The following CDK15 variants were observed in gnomAD, a reference collection of about 807,000 sequenced individuals.
CDK15 encodes cyclin dependent kinase 15.
CDK15 carries 62 observed loss-of-function variants against 60.3 expected under a neutral mutation model. The ratio of observed to expected loss-of-function variants is 1.03; its 90% CI spans 0.84 to 1.27. CDK15 has a LOEUF of 1.27. Among genes scored for constraint, CDK15 ranks in the 50% most tolerant of loss-of-function variants. The pLI is 0.00. For synonymous variants in CDK15, 194 were observed against 195.7 expected, an observed-to-expected ratio of 0.99 and a Z score of 0.07; for missense variants, 541 against 527.8, an observed-to-expected ratio of 1.03 and a Z score of -0.25.
chr2:201,814,833 A>T (rs17469731), intron 4 of CDK15, among the ~76,000 whole-genome samples: 2 of 152,196 alleles, frequency 1.3e-5, no homozygotes, highest in African/African-American at 4.8e-5. Flanking sequence ...GTCTCTTTCT[A>T]TACAGGTAGA....
intron 8 of CDK15, among the ~76,000 whole-genome samples, chr2:201,836,144 TA>T (rs1338497647): frequency 5.6e-4 from 39 of 69,450 alleles, no homozygotes; most frequent in South Asian, 3.1e-3. Flanking sequence ...ATTTATATAT[TA>T]TATATATTTT....
At chr2:201,878,691 GA>G (rs1427952636) in intron 11 of CDK15, among the ~76,000 whole-genome samples, 1 of 152,130 alleles carries the variant, frequency 6.6e-6, no homozygotes, top group African/African-American at 2.4e-5. Context: ...CCAATTAATA[GA>G]AATGTATTTC....
At chr2:201,860,728 T>A in intron 10 of CDK15, 1 of 1,352,102 alleles carries the variant, frequency 7.4e-7, no homozygotes, top group Non-Finnish European at 9.8e-7. Context: ...CTTTATCAAC[T>A]TCTGACCACC....
intron 12 of CDK15, 53 bp from the exon 13 acceptor site, chr2:201,890,732 C>T: frequency 2.9e-6 from 4 of 1,401,338 alleles, no homozygotes; most frequent in Non-Finnish European, 3.0e-6. Context: ...AAATATACCA[C>T]AGAAGATCCC....
chr2:201,856,961 C>A (rs932060279), intron 10 of CDK15, among the ~76,000 whole-genome samples: 1 of 49,714 alleles, frequency 2.0e-5, no homozygotes, highest in Non-Finnish European at 3.6e-5. Context: ...CGGTGGCTCA[C>A]GCCTGTAATC....
At chr2:201,865,234 A>G (rs1174384697) in intron 10 of CDK15, among the ~76,000 whole-genome samples, 1 of 152,194 alleles carries the variant, frequency 6.6e-6, no homozygotes, top group African/African-American at 2.4e-5. Flanking sequence ...TGCCTCATTA[A>G]ATACAACACT....
chr2:201,824,251 C>T (rs1696363128), intron 6 of CDK15, among the ~76,000 whole-genome samples: 2 of 152,240 alleles, frequency 1.3e-5, no homozygotes, highest in South Asian at 4.1e-4. Context: ...ATTTATATTT[C>T]ATACTTTTCA....
intron 6 of CDK15, among the ~76,000 whole-genome samples, 155 bp downstream of exon 6, chr2:201,823,882 G>GA (rs1035033492): frequency 9.3e-5 from 14 of 150,776 alleles, no homozygotes; most frequent in Non-Finnish European, 1.5e-4. Flanking sequence ...TTTCGTTTTT[G>GA]TTTTTTTTTA....
chr2:201,850,568 G>A (rs1031795079), intron 9 of CDK15, among the ~76,000 whole-genome samples: 1 of 152,218 alleles, frequency 6.6e-6, no homozygotes, highest in Non-Finnish European at 1.5e-5. Context: ...CGCAGAGCAA[G>A]AAACTATAGA....
At chr2:201,883,746 C>T (rs1699361152) in intron 12 of CDK15, among the ~76,000 whole-genome samples, 1 of 152,260 alleles carries the variant, frequency 6.6e-6, no homozygotes, top group African/African-American at 2.4e-5. Flanking sequence ...TCTTCCCACT[C>T]AGACACCGGC....
chr2:201,879,990 T>A, intron 11 of CDK15, 38 bp from the exon 12 acceptor site: 1 of 1,607,870 alleles, frequency 6.2e-7, no homozygotes, highest in South Asian at 1.1e-5. Flanking sequence ...GAAGGGAGGC[T>A]GCTGGAGAAA....
intron 8 of CDK15, among the ~76,000 whole-genome samples, 165 bp downstream of exon 8, chr2:201,835,928 TTTTATATA>T (rs1305236639): frequency 1.0e-4 from 14 of 137,364 alleles, no homozygotes; most frequent in African/African-American, 1.9e-4. Flanking sequence ...TATATTTATA[TTTTATATA>T]TTTATATATT....
intron 11 of CDK15, among the ~76,000 whole-genome samples, chr2:201,873,242 T>C (rs569660274): frequency 6.6e-6 from 1 of 152,338 alleles, no homozygotes; most frequent in East Asian, 1.9e-4. Context: ...CATAGAACTA[T>C]GGACTACCAG....
chr2:201,854,886 C>T lies in CDK15; in HGVS notation c.958C>T (p.Pro320Ser), dbSNP rs776273369. 3 of 1,613,972 alleles carry T rather than the reference C, an allele frequency of 1.9e-6. No homozygotes were observed. The highest frequency in any genetic ancestry group is 2.5e-6 in the Non-Finnish European group (3 of 1,179,948). ...TGGCTTTATATAGGTGCTGGGAGTC[C>T]CTACAGAGGATACTTGGCCGGGAGT... ...LEKIWEVLGVPTEDTWPGVSK... is the reference protein window; with the variant it reads ...LEKIWEVLGVSTEDTWPGVSK... The change falls in exon 10 of 14, where the codon CCT (proline) becomes TCT (serine). Residue 320 changes from proline (P) to serine (S), a missense_variant. Physicochemically the swap from Pro to Ser is moderately conservative, Grantham distance 74. Transcript: ENST00000652192.
At chr2:201,824,004 G>C (rs1313323379) in intron 6 of CDK15, among the ~76,000 whole-genome samples, 2 of 152,160 alleles carry the variant, frequency 1.3e-5, no homozygotes, top group Admixed American at 1.3e-4. Flanking sequence ...TGTGCCTTTA[G>C]ATGAATAAAC....
intron 9 of CDK15, among the ~76,000 whole-genome samples, chr2:201,850,963 C>T (rs1279930733): frequency 6.6e-6 from 1 of 152,058 alleles, no homozygotes; most frequent in Non-Finnish European, 1.5e-5. Flanking sequence ...ATTCCTGCTA[C>T]CATAACAAAA....
chr2:201,812,682 T>C, intron 4 of CDK15, 120 bp downstream of exon 4: 1 of 489,746 alleles, frequency 2.0e-6, no homozygotes, highest in Non-Finnish European at 3.6e-6. Flanking sequence ...ATAATTACAT[T>C]TTTATTTTTC....
At chr2:201,809,102 T>C (rs1695640510) in intron 3 of CDK15, among the ~76,000 whole-genome samples, 1 of 152,158 alleles carries the variant, frequency 6.6e-6, no homozygotes, top group South Asian at 2.1e-4. Flanking sequence ...TTTTCAATGC[T>C]GAGAACATCT....
intron 10 of CDK15, chr2:201,861,646 C>T (rs112410904): frequency 0.028 from 15,423 of 545,288 alleles, 284 homozygotes; most frequent in Non-Finnish European, 0.031. Flanking sequence ...CCGCAGCCTC[C>T]GCCTCCTGGG....
Sources: allele counts gnomAD v4.1 joint callset (sites outside exome capture counted in the v4.1 genomes callset), GRCh38; gene constraint gnomAD v4.1.1; transcripts MANE v1.5; gene names NCBI Gene and HGNC (gene_info 2026-07-23, HGNC 2026-07-21).